The following PRR11 variants were observed in gnomAD, a reference collection of about 807,000 sequenced individuals.
PRR11 encodes proline-rich protein 11.
A neutral mutation model predicts 45.6 loss-of-function variants in PRR11; 30 were observed. That is an observed-to-expected ratio of 0.66 (90% CI 0.49 to 0.89). PRR11 has a LOEUF of 0.89. Among genes scored for constraint, PRR11 ranks in the 40% least tolerant of loss-of-function variants. The probability of loss-of-function intolerance (pLI) is 0.00; values close to 1 mark genes in which losing one functional copy is unlikely to be tolerated. For synonymous variants in PRR11, 128 were observed against 153.5 expected (o/e 0.83, Z 1.23); for missense variants, 373 against 424.8 (o/e 0.88, Z 1.07).
rs1019385504 is a variant in PRR11, at chr17:59,178,625, A to C, written c.129-6429A>C. ...AGGAGAAGTGTGTCTCCCAGGGGGA[A>C]GTCTCAGGATTGCTGCCACAGGTGA... On this transcript the variant is annotated intron_variant, in intron 2 of 9. Transcript: ENST00000262293. The C allele has an allele frequency of 1.5e-5, 8 of 519,326 alleles. No homozygotes were observed. In the East Asian group the frequency reaches 2.2e-4, roughly 14 times the overall value. The allele number at this position is 519,326 out of a possible 1,614,324, so 32.2% of individuals were successfully genotyped here.
chr17:59,181,441 G>A lies in PRR11; in HGVS notation c.129-3613G>A, dbSNP rs144674994. 7.5e-4 allele frequency: 739 copies of A among 990,418 alleles called. 9 individuals are homozygous for A. The East Asian group carries it at 0.023, about 31-fold the overall frequency. The allele number at this position is 990,418 out of a possible 1,614,324, so 61.4% of individuals were successfully genotyped here. A position where few individuals can be genotyped will look rare whatever the true frequency, so the allele number is the denominator to read the frequency against. On this transcript the variant is annotated intron_variant, in intron 2 of 9. Coordinates refer to ENST00000262293, the MANE Select transcript of PRR11 (RefSeq NM_018304.4). ...GGCATATTTTTCCCATTGGAAAAGT[G>A]TGGTTATTGAAAGTTTTCCTCGTTT...
At chr17:59,167,588 A>C (rs569041604) in intron 1 of PRR11, among the ~76,000 whole-genome samples, 8 of 152,350 alleles carry the variant, frequency 5.3e-5, no homozygotes, top group Non-Finnish European at 1.2e-4. Context: ...GGGCTGCTCA[A>C]CTGAGTATAC....
chr17:59,189,395 G>A (rs953147407), intron 4 of PRR11, among the ~76,000 whole-genome samples: 10 of 151,864 alleles, frequency 6.6e-5, no homozygotes, highest in South Asian at 2.1e-4. Context: ...GTGTAGTGGC[G>A]TGATCTCAGC....
chr17:59,201,419 G>A (rs990744101), intron 9 of PRR11, 144 bp from the exon 10 acceptor site: 3 of 751,784 alleles, frequency 4.0e-6, no homozygotes, highest in Non-Finnish European at 4.4e-6. Flanking sequence ...ACTTCTGATT[G>A]CATCAGGGAA....
chr17:59,178,204 C>T (rs2046759620), intron 2 of PRR11, among the ~76,000 whole-genome samples: 1 of 151,896 alleles, frequency 6.6e-6, no homozygotes, highest in Non-Finnish European at 1.5e-5. Context: ...CATGGTGGTG[C>T]ATGCCTGTAA....
chr17:59,162,213 G>GACACACACACACACAC (rs58983044), intron 1 of PRR11, among the ~76,000 whole-genome samples: 1 of 139,484 alleles, frequency 7.2e-6, no homozygotes, highest in Non-Finnish European at 1.6e-5. Flanking sequence ...ACCCAAGTCA[G>GACACACACACACACAC]ACACACACAC....
In PRR11 at chr17:59,201,584, A is replaced by G. The variant is rs144573133; in HGVS notation, c.1036A>G (p.Thr346Ala). ...ATAGCTGGCTCACCCTAGAAGCCCA[A>G]CTCCAACTCTGCCACTTTCTACAAG... ...KFQLAHPRSPTPTLPLSTSSF... is the reference protein window; with the variant it reads ...KFQLAHPRSPAPTLPLSTSSF... Residue 346 changes from threonine (T) to alanine (A), a missense_variant, in exon 10 of 10, where the codon ACT becomes GCT. Coordinates refer to ENST00000262293, the MANE Select transcript of PRR11 (RefSeq NM_018304.4). The G allele has an allele frequency of 1.2e-4, 196 of 1,612,966 alleles. No homozygotes were observed. The highest frequency in any genetic ancestry group is 1.6e-4 in the Middle Eastern group (1 of 6,082).
intron 2 of PRR11, among the ~76,000 whole-genome samples, chr17:59,180,078 A>G (rs1369871230): frequency 6.7e-6 from 1 of 150,370 alleles, no homozygotes; most frequent in Non-Finnish European, 1.5e-5. Context: ...CTCTGTCCTC[A>G]GAACACTTCC....
rs1386910811 is a variant in PRR11, at chr17:59,185,177, C to T, written c.252C>T (p.Tyr84=). 1.9e-6 allele frequency: 3 copies of T among 1,612,160 alleles called. No homozygotes were observed. Among genetic ancestry groups the T allele is most frequent in the Non-Finnish European group, 8.5e-7 (1 of 1,179,122 alleles). ...GGACAAATAGAGTATGGTCTATATA[C>T]AGCTGGTGCCAGAACTGCATAACCC... The part of the protein sequence containing the change: ...KLWTNRVWSI[Y]SWCQNCITQS... The change falls in exon 3 of 10, where the codon TAC becomes TAT. Residue 84 remains tyrosine (Y), a synonymous_variant. Transcript: ENST00000262293.
intron 2 of PRR11, among the ~76,000 whole-genome samples, chr17:59,180,500 T>C (rs1336946235): frequency 7.7e-6 from 1 of 130,364 alleles, no homozygotes; most frequent in Non-Finnish European, 1.6e-5. Context: ...GTCCTTGTTT[T>C]TTTTTTTTTG....
chr17:59,162,033 T>C (rs2046654993), intron 1 of PRR11, among the ~76,000 whole-genome samples: 1 of 152,206 alleles, frequency 6.6e-6, no homozygotes, highest in Non-Finnish European at 1.5e-5. Flanking sequence ...AAATTTGCTA[T>C]TCTCCACTTT....
chr17:59,178,449 C>T (rs2687065), intron 2 of PRR11: 59,794 of 503,472 alleles, frequency 0.12, 4,465 homozygotes, highest in South Asian at 0.23. Flanking sequence ...AGCAGGAACA[C>T]GGTTCCGTGG....
chr17:59,174,586 C>T (rs918974980), intron 2 of PRR11, among the ~76,000 whole-genome samples: 4 of 152,188 alleles, frequency 2.6e-5, no homozygotes, highest in African/African-American at 9.7e-5. Flanking sequence ...AGTGATCCTC[C>T]CACATCACCT....
Position 59,205,204 on chromosome 17 carries a change from C to T in PRR11, c.*3573C>T, listed in dbSNP as rs1303740669. On this transcript the variant is annotated 3_prime_UTR_variant, in exon 10 of 10. Transcript: ENST00000262293. ...TTTTATGACAGATTTTATATTGTAA[C>T]CATTCGAGAACTCTGTAAGTGCTAT... is the stretch of plus-strand genomic sequence containing the variant. Among the ~76,000 whole-genome samples the T allele has an allele frequency of 3.3e-5, 5 of 152,076 alleles. No individual in the cohort carries two copies. The highest frequency in any genetic ancestry group is 7.3e-5 in the Non-Finnish European group (5 of 68,038).
At chr17:59,176,008 A>C (rs1251888818) in intron 2 of PRR11, among the ~76,000 whole-genome samples, 1 of 152,200 alleles carries the variant, frequency 6.6e-6, no homozygotes, top group African/African-American at 2.4e-5. Context: ...AGATGACGTA[A>C]TCCCAATATC....
At position 59,174,882 on chromosome 17, in the gene PRR11, A is replaced by G. The variant is rs529080407; in HGVS notation, c.128+5002A>G. 14 of 1,185,100 alleles carry G rather than the reference A, an allele frequency of 1.2e-5. No individual in the cohort carries two copies. The East Asian group carries it at 4.2e-4, about 36-fold the overall frequency. The allele number at this position is 1,185,100 out of a possible 1,614,324, so 73.4% of individuals were successfully genotyped here. ...TAAGAAGATGGGGACTCCCCAGGAT[A>G]CCCCTCCCTCCCCTTGTCCAGCCTC... On this transcript the variant is annotated intron_variant, in intron 2 of 9. Coordinates refer to ENST00000262293, the MANE Select transcript of PRR11 (RefSeq NM_018304.4).
chr17:59,185,752 A>G (rs2046811192), intron 4 of PRR11, among the ~76,000 whole-genome samples, 190 bp downstream of exon 4: 1 of 152,230 alleles, frequency 6.6e-6, no homozygotes, highest in Non-Finnish European at 1.5e-5. Flanking sequence ...TAAGATGAAG[A>G]GCTGGGATAA....
chr17:59,181,405 C>T (rs373281084), intron 2 of PRR11: 9 of 838,432 alleles, frequency 1.1e-5, no homozygotes, highest in Admixed American at 4.4e-5. Flanking sequence ...ATGGAGAGCT[C>T]ACCCACTGGG....
chr17:59,205,430 G>A lies in PRR11; in HGVS notation c.*3799G>A, dbSNP rs984851769. ...AGAAAAGTAAATGTTGGCCGGGTGC[G>A]GTGGCTCATGCCTATAATCCCAGCA... On this transcript the variant is annotated 3_prime_UTR_variant, in exon 10 of 10. Transcript: ENST00000262293. Among the ~76,000 whole-genome samples the A allele has an allele frequency of 1.1e-4, 16 of 151,218 alleles. No individual in the cohort carries two copies. Among genetic ancestry groups the A allele is most frequent in the Non-Finnish European group, 1.8e-4 (12 of 67,852 alleles).
Sources: gnomAD v4.1 joint callset for allele counts (sites outside exome capture counted in the v4.1 genomes callset) on GRCh38, gnomAD v4.1.1 for gene constraint, MANE v1.5 for transcripts, NCBI Gene and HGNC (gene_info 2026-07-23, HGNC 2026-07-21) for gene names.